Variants in FAT4 observed in about 807,000 individuals in gnomAD.
FAT4 encodes protocadherin Fat 4.
Under a neutral mutation model 303.9 loss-of-function variants are expected in FAT4, and 84 were observed. That is an observed-to-expected ratio of 0.28 (90% CI 0.23 to 0.33). The LOEUF is 0.33. Among genes scored for constraint, FAT4 ranks in the 10% least tolerant of loss-of-function variants. The probability of loss-of-function intolerance (pLI) is 1.00; values close to 1 mark genes in which losing one functional copy is unlikely to be tolerated. For missense variants in FAT4, 6,005 were observed against 6,146.8 expected, an observed-to-expected ratio of 0.98 and a Z score of 0.77; for synonymous variants, 2,307 against 2,298.8, an observed-to-expected ratio of 1.00 and a Z score of -0.10.
At chr4:125,398,516 A>G (rs1734264911) in intron 2 of FAT4, among the ~76,000 whole-genome samples, 1 of 152,166 alleles carries the variant, frequency 6.6e-6, no homozygotes, top group Admixed American at 6.6e-5. Context: ...ACAGTTAATC[A>G]GTGGACCTTT....
At chr4:125,407,828 G>A (rs1734681335) in intron 4 of FAT4, among the ~76,000 whole-genome samples, 1 of 151,878 alleles carries the variant, frequency 6.6e-6, no homozygotes, top group Admixed American at 6.6e-5. Flanking sequence ...AAATTTTTAT[G>A]TAAAATTAAA....
Position 125,452,384 on chromosome 4 carries a change from C to T in FAT4, c.11374C>T (p.Leu3792Phe), listed in dbSNP as rs1310411051. The T allele has an allele frequency of 6.2e-7, 1 of 1,614,070 alleles. No individual in the cohort carries two copies. The highest frequency in any genetic ancestry group is 1.3e-5 in the African/African-American group (1 of 74,940). ...CTTCTTTGAAAGCATCAAAGAGATC[C>T]TTCTCCGGCAGAGTGGAGTAAAGGT... ...ATFFESIKEI[L>F]LRQSGVKVES... The change falls in exon 10 of 18, where the codon CTT (leucine) becomes TTT (phenylalanine). Residue 3792 changes from leucine to phenylalanine, a missense_variant. Coordinates refer to ENST00000394329, the MANE Select transcript of FAT4 (RefSeq NM_001291303.3).
In FAT4 at chr4:125,490,587, C is replaced by G; in HGVS notation, c.13771C>G (p.Pro4591Ala). The G allele has an allele frequency of 1.9e-6, 3 of 1,614,118 alleles. No individual in the cohort carries two copies. Among genetic ancestry groups the G allele is most frequent in the South Asian group, 2.2e-5 (2 of 91,078 alleles). Residue 4591 changes from proline to alanine, a missense_variant, in exon 18 of 18, where the codon CCC (proline) becomes GCC (alanine). Pro to Ala is a conservative substitution (Grantham distance 27). Transcript: ENST00000394329. ...PKPDIIEREN[P>A]YLIYDETDIP... ...ACCAGATATCATTGAAAGGGAAAACCCCTACCTTATCTATGATGAAACTGA... is the reference window on the plus strand; with the variant it reads ...ACCAGATATCATTGAAAGGGAAAACGCCTACCTTATCTATGATGAAACTGA...
In FAT4 at chr4:125,487,489, G is replaced by A; in HGVS notation, c.12967G>A (p.Asp4323Asn). Residue 4323 changes from aspartate (D) to asparagine (N), a missense_variant, in exon 17 of 18, where the codon GAC becomes AAC. Transcript: ENST00000394329. ...KNGTATVLSV[D>N]RIYNRDIIHP... ...TGGAACAGCAACAGTATTGTCTGTT[G>A]ACAGAATATATAACAGAGATATTAT... The A allele has an allele frequency of 1.2e-6, 2 of 1,614,052 alleles. No homozygotes were observed. Among genetic ancestry groups the A allele is most frequent in the Non-Finnish European group, 1.7e-6 (2 of 1,179,952 alleles).
At position 125,380,112 on chromosome 4, in the gene FAT4, C is replaced by T. The variant is rs528723548; in HGVS notation, c.5176-18672C>T. On this transcript the variant is annotated intron_variant, in intron 2 of 17. Coordinates refer to ENST00000394329, the MANE Select transcript of FAT4 (RefSeq NM_001291303.3). ...TTCTCCATGTTGGTCAGGATGGTCT[C>T]GAACTCCCAACATCAGGTGATCCAC... 1.1e-4 allele frequency among the ~76,000 whole-genome samples: 16 copies of T among 150,634 alleles called. No homozygotes were observed. The East Asian group carries it at 2.2e-3, about 21-fold the overall frequency.
Position 125,452,318 on chromosome 4 carries a change from C to T in FAT4, c.11308C>T (p.Arg3770Ter), listed in dbSNP as rs761118468. ...AACGTTTCTTTTGGCAGCTGTGAAG[C>T]GAAATCATAATCAGTATGTGAATCC... is the stretch of plus-strand genomic sequence containing the variant. ...NRTFLLAAVK[R>*]NHNQYVNPSG... The change falls in exon 10 of 18, where the codon CGA (arginine) becomes TGA (stop). Residue 3770 changes from arginine to a stop codon, truncating the protein, a stop_gained. Coordinates refer to ENST00000394329, the MANE Select transcript of FAT4 (RefSeq NM_001291303.3). LOFTEE classifies it high-confidence loss of function. The T allele has an allele frequency of 6.2e-7, 1 of 1,614,178 alleles. No individual in the cohort carries two copies. The highest frequency in any genetic ancestry group is 8.5e-7 in the Non-Finnish European group (1 of 1,180,022).
rs1727697878 is a variant in FAT4 at position 125,492,820 on chromosome 4, T to A, written c.*1052T>A. The A allele has an allele frequency of 6.6e-6, 1 of 152,586 alleles. No homozygotes were observed. The highest frequency in any genetic ancestry group is 2.4e-5 in the African/African-American group (1 of 41,456). 9.5% of individuals were successfully genotyped at this position (152,586 alleles called of 1,614,324 possible). On this transcript the variant is annotated 3_prime_UTR_variant, in exon 18 of 18. Coordinates refer to ENST00000394329, the MANE Select transcript of FAT4 (RefSeq NM_001291303.3). Reference sequence around the variant, plus strand: ...AGGGAAGGTAAGAAAATACTTTTTTTATATTTGTTACTTATGTAACATTCA... The same window carrying A: ...AGGGAAGGTAAGAAAATACTTTTTTAATATTTGTTACTTATGTAACATTCA...
intron 7 of FAT4, among the ~76,000 whole-genome samples, chr4:125,417,502 A>G (rs1209817542): frequency 1.3e-5 from 2 of 152,170 alleles, no homozygotes; most frequent in Non-Finnish European, 2.9e-5. Flanking sequence ...AGTATAAATA[A>G]CAGAAGTCTA....
intron 2 of FAT4, among the ~76,000 whole-genome samples, chr4:125,398,509 G>C (rs1445834638): frequency 1.3e-5 from 2 of 152,118 alleles, no homozygotes; most frequent in African/African-American, 2.4e-5. Flanking sequence ...TAAAATGACA[G>C]TTAATCAGTG....
intron 2 of FAT4, among the ~76,000 whole-genome samples, chr4:125,342,196 C>G (rs1731827102): frequency 6.6e-6 from 1 of 151,906 alleles, no homozygotes. Context: ...TTAAAGAGTA[C>G]TATAAAATAA....
intron 2 of FAT4, among the ~76,000 whole-genome samples, chr4:125,386,049 T>G (rs2126002615): frequency 6.6e-6 from 1 of 152,328 alleles, no homozygotes; most frequent in Non-Finnish European, 1.5e-5. Context: ...GGGATAATTC[T>G]TAGGACTTTC....
rs750472321 is a variant in FAT4 at position 125,449,367 on chromosome 4, A to G, written c.8357A>G (p.Asn2786Ser). ...SQIFSAHVPENSPLGYTVTRV... is the reference protein window; with the variant it reads ...SQIFSAHVPESSPLGYTVTRV... The stretch of plus-strand genomic sequence containing the variant: ...ATATTTAGTGCCCATGTTCCTGAAA[A>G]TTCCCCCTTAGGATACACAGTTACC... The change falls in exon 10 of 18, where the codon AAT (asparagine) becomes AGT (serine). Residue 2786 changes from asparagine (N) to serine (S), a missense_variant. Physicochemically the swap from Asn to Ser is conservative, Grantham distance 46 (BLOSUM62 1). Coordinates refer to ENST00000394329, the MANE Select transcript of FAT4 (RefSeq NM_001291303.3). The G allele has an allele frequency of 1.2e-6, 2 of 1,613,820 alleles. No homozygotes were observed. Among genetic ancestry groups the G allele is most frequent in the East Asian group, 4.5e-5 (2 of 44,854 alleles).
chr4:125,338,251 G>T (rs1731648607), intron 2 of FAT4, among the ~76,000 whole-genome samples: 1 of 152,128 alleles, frequency 6.6e-6, no homozygotes, highest in African/African-American at 2.4e-5. Flanking sequence ...CTGTTTCTCT[G>T]CCATTTGCCT....
At chr4:125,340,387 TC>T (rs1327530387) in intron 2 of FAT4, among the ~76,000 whole-genome samples, 2 of 67,672 alleles carry the variant, frequency 3.0e-5, no homozygotes, top group Admixed American at 2.9e-4. Flanking sequence ...AAGAAACAAC[TC>T]TTTTTTTTTT....
At chr4:125,396,463 G>T (rs769894112) in intron 2 of FAT4, among the ~76,000 whole-genome samples, 13 of 152,040 alleles carry the variant, frequency 8.6e-5, no homozygotes, top group Non-Finnish European at 1.6e-4. Context: ...ATGTGCCTTT[G>T]ATGGTCATAT....
At chr4:125,465,891 TA>T (rs781511747) in intron 11 of FAT4, among the ~76,000 whole-genome samples, 41 of 152,218 alleles carry the variant, frequency 2.7e-4, no homozygotes, top group Admixed American at 5.9e-4. Flanking sequence ...ACTAAAGAGA[TA>T]GAAGCAGAAA....
chr4:125,461,239 T>C (rs1036035806), intron 10 of FAT4, among the ~76,000 whole-genome samples: 1 of 152,064 alleles, frequency 6.6e-6, no homozygotes, highest in Non-Finnish European at 1.5e-5. Flanking sequence ...TAAGAATTGA[T>C]TCATATAATT....
At chr4:125,441,811 C>T (rs1725669663) in intron 8 of FAT4, among the ~76,000 whole-genome samples, 1 of 152,148 alleles carries the variant, frequency 6.6e-6, no homozygotes, top group African/African-American at 2.4e-5. Flanking sequence ...GCCAAAAGTT[C>T]AGTATTACTG....
intron 2 of FAT4, among the ~76,000 whole-genome samples, chr4:125,323,683 G>A (rs1364147410): frequency 1.3e-5 from 2 of 152,136 alleles, no homozygotes; most frequent in Non-Finnish European, 2.9e-5. Flanking sequence ...TTATTGGTTG[G>A]ATTTTTCAAG....
Sources: gnomAD v4.1 joint callset for allele counts (sites outside exome capture counted in the v4.1 genomes callset) on GRCh38, gnomAD v4.1.1 for gene constraint, MANE v1.5 for transcripts, NCBI Gene and HGNC (gene_info 2026-07-23, HGNC 2026-07-21) for gene names.